The following RBFOX1 variants were observed in gnomAD, a reference collection of about 807,000 sequenced individuals.
The protein encoded by RBFOX1 is RNA binding protein fox-1 homolog 1.
Under a neutral mutation model 57.7 loss-of-function variants are expected in RBFOX1, and 8 were observed. The ratio of observed to expected loss-of-function variants is 0.14; its 90% CI spans 0.08 to 0.25. RBFOX1 has a LOEUF of 0.25. Among genes scored for constraint, RBFOX1 ranks in the 10% least tolerant of loss-of-function variants. RBFOX1 has a pLI of 1.00. For missense variants in RBFOX1, 611 were observed against 548.5 expected (o/e 1.11, Z -1.14); for synonymous variants, 326 against 222.4 (o/e 1.47, Z -4.15).
intron 4 of RBFOX1, among the ~76,000 whole-genome samples, chr16:7,311,945 G>C (rs1388777590): frequency 1.3e-5 from 2 of 152,048 alleles, no homozygotes; most frequent in African/African-American, 4.8e-5. Context: ...TGTTTATTTG[G>C]GGACTTAATT....
At chr16:7,298,179 C>T (rs901271590) in intron 4 of RBFOX1, among the ~76,000 whole-genome samples, 2 of 152,020 alleles carry the variant, frequency 1.3e-5, no homozygotes, top group Non-Finnish European at 1.5e-5. Context: ...TTTATTTATC[C>T]CCTGTTTCCC....
chr16:5,645,587 T>C (rs1161786855), intron 3 of RBFOX1, among the ~76,000 whole-genome samples: 1 of 152,146 alleles, frequency 6.6e-6, no homozygotes, highest in Non-Finnish European at 1.5e-5. Flanking sequence ...TTAAAAAGAG[T>C]CTCATATATA....
intron 3 of RBFOX1, among the ~76,000 whole-genome samples, chr16:6,681,313 G>C (rs956526879): frequency 6.7e-6 from 1 of 150,024 alleles, no homozygotes; most frequent in African/African-American, 2.5e-5. Context: ...GCAAGAGCCT[G>C]TCTGGAAAAA....
In RBFOX1 at chr16:6,606,276, G is replaced by C. The variant is rs533787008; in HGVS notation, c.-63-48327G>C. 1.7e-4 allele frequency among the ~76,000 whole-genome samples: 26 copies of C among 152,184 alleles called. No individual in the cohort carries two copies. In the South Asian group the frequency reaches 5.4e-3, roughly 32 times the overall value. On this transcript the variant is annotated intron_variant, in intron 2 of 15. Coordinates refer to ENST00000550418, the MANE Select transcript of RBFOX1 (RefSeq NM_018723.4). Reference sequence around the variant, plus strand: ...ATATTTTTTCCAAGCCAATATATTAGAAAGCCACTTCTTCCTGGAATTCAT... The same window carrying C: ...ATATTTTTTCCAAGCCAATATATTACAAAGCCACTTCTTCCTGGAATTCAT...
At chr16:6,595,801 G>A (rs145614054) in intron 2 of RBFOX1, among the ~76,000 whole-genome samples, 1 of 152,166 alleles carries the variant, frequency 6.6e-6, no homozygotes, top group East Asian at 1.9e-4. Context: ...TTTCCCTAAT[G>A]ATTACTGGCA....
chr16:7,583,427 A>T (rs2093925928), intron 6 of RBFOX1, among the ~76,000 whole-genome samples: 1 of 152,212 alleles, frequency 6.6e-6, no homozygotes, highest in Admixed American at 6.5e-5. Flanking sequence ...CAAAAGAGGA[A>T]TATATGGATT....
chr16:6,623,857 G>A (rs1302922293), intron 2 of RBFOX1, among the ~76,000 whole-genome samples: 1 of 152,164 alleles, frequency 6.6e-6, no homozygotes, highest in Non-Finnish European at 1.5e-5. Context: ...TTGGACATTT[G>A]GGTTGGTTCC....
chr16:6,806,456 G>T (rs1197682399), intron 3 of RBFOX1, among the ~76,000 whole-genome samples: 1 of 152,058 alleles, frequency 6.6e-6, no homozygotes, highest in Non-Finnish European at 1.5e-5. Context: ...GCTAACAAAT[G>T]TTAAATAATT....
At chr16:7,501,358 G>C (rs149542813) in intron 4 of RBFOX1, among the ~76,000 whole-genome samples, 1 of 152,302 alleles carries the variant, frequency 6.6e-6, no homozygotes, top group African/African-American at 2.4e-5. Flanking sequence ...ATAAGACAAA[G>C]GAATGCATAA....
At chr16:5,728,596 A>T (rs11862903) in intron 3 of RBFOX1, among the ~76,000 whole-genome samples, 3,696 of 152,130 alleles carry the variant, frequency 0.024, 132 homozygotes, top group African/African-American at 0.082. Context: ...GATGCCATTT[A>T]TCTTCTCTGA....
intron 2 of RBFOX1, among the ~76,000 whole-genome samples, chr16:6,511,096 C>T (rs1186530199): frequency 6.6e-6 from 1 of 152,160 alleles, no homozygotes; most frequent in East Asian, 1.9e-4. Flanking sequence ...ATCAGAATGG[C>T]TTTTCCACGT....
chr16:6,925,394 G>T (rs1056873244), intron 3 of RBFOX1, among the ~76,000 whole-genome samples: 3 of 151,460 alleles, frequency 2.0e-5, no homozygotes, highest in Non-Finnish European at 2.9e-5. Flanking sequence ...GAACGTGCCG[G>T]GATTATAGGA....
chr16:6,969,985 C>G (rs763218521), intron 3 of RBFOX1, among the ~76,000 whole-genome samples: 4 of 151,984 alleles, frequency 2.6e-5, no homozygotes, highest in Middle Eastern at 3.4e-3. Flanking sequence ...AATATAAAGT[C>G]CTTACAAGCC....
chr16:5,933,957 C>G (rs1226813152), intron 4 of RBFOX1, among the ~76,000 whole-genome samples: 1 of 152,160 alleles, frequency 6.6e-6, no homozygotes, highest in African/African-American at 2.4e-5. Flanking sequence ...ACCCTCCACC[C>G]TCAAGTAGGC....
intron 3 of RBFOX1, among the ~76,000 whole-genome samples, chr16:6,831,373 G>C (rs775598452): frequency 6.6e-6 from 1 of 152,136 alleles, no homozygotes; most frequent in Non-Finnish European, 1.5e-5. Flanking sequence ...ATTTTACTGA[G>C]TTAACATATT....
intron 3 of RBFOX1, among the ~76,000 whole-genome samples, chr16:5,781,810 C>T (rs2054332337): frequency 6.6e-6 from 1 of 152,176 alleles, no homozygotes; most frequent in Non-Finnish European, 1.5e-5. Context: ...GCTGGTTATC[C>T]TCTATGGCAC....
At chr16:6,672,212 T>A (rs570756933) in intron 3 of RBFOX1, among the ~76,000 whole-genome samples, 1 of 152,342 alleles carries the variant, frequency 6.6e-6, no homozygotes, top group South Asian at 2.1e-4. Context: ...ACAAAGGTCA[T>A]TGAAATATAA....
intron 3 of RBFOX1, among the ~76,000 whole-genome samples, chr16:5,706,323 G>T (rs906191098): frequency 6.6e-6 from 1 of 152,202 alleles, no homozygotes; most frequent in African/African-American, 2.4e-5. Flanking sequence ...AGCATGTCTG[G>T]AAGATGAGAG....
intron 2 of RBFOX1, among the ~76,000 whole-genome samples, chr16:6,488,597 G>A (rs1199091223): frequency 6.6e-6 from 1 of 152,140 alleles, no homozygotes; most frequent in African/African-American, 2.4e-5. Context: ...AAATTTTTCT[G>A]ATTCCAATAT....
Sources: allele counts gnomAD v4.1 joint callset (sites outside exome capture counted in the v4.1 genomes callset), GRCh38; gene constraint gnomAD v4.1.1; transcripts MANE v1.5; gene names NCBI Gene and HGNC (gene_info 2026-07-23, HGNC 2026-07-21).